Variants in PUS10 observed in about 807,000 individuals in gnomAD.
The protein encoded by PUS10 is pseudouridine synthase 10.
PUS10 carries 59 observed loss-of-function variants against 75.0 expected under a neutral mutation model. The ratio of observed to expected loss-of-function variants is 0.79; its 90% CI spans 0.64 to 0.98. The LOEUF is 0.98. Ranked by LOEUF, PUS10 falls within the 50% of genes least tolerant of loss-of-function variation. The probability of loss-of-function intolerance (pLI) is 0.00; values close to 1 mark genes in which losing one functional copy is unlikely to be tolerated. For missense variants in PUS10, 650 were observed against 614.4 expected (o/e 1.06, Z -0.61); for synonymous variants, 219 against 211.6 (o/e 1.03, Z -0.30).
intron 4 of PUS10, 58 bp from the exon 5 acceptor site, chr2:60,971,615 T>G: frequency 6.6e-7 from 1 of 1,512,172 alleles, no homozygotes; most frequent in Non-Finnish European, 9.2e-7. Flanking sequence ...TTCAGTGAAA[T>G]TAAGTCTCAA....
At chr2:61,004,546 A>G (rs1679073265) in intron 4 of PUS10, among the ~76,000 whole-genome samples, 1 of 148,710 alleles carries the variant, frequency 6.7e-6, no homozygotes, top group Non-Finnish European at 1.5e-5. Context: ...GGAGAACGGC[A>G]TGAACCTGGG....
At chr2:61,002,834 T>C (rs999021605) in intron 4 of PUS10, among the ~76,000 whole-genome samples, 1 of 152,254 alleles carries the variant, frequency 6.6e-6, no homozygotes, top group East Asian at 1.9e-4. Flanking sequence ...TTATAGACTT[T>C]GGAGACTCTA....
chr2:61,016,692 A>G (rs1198019326), intron 1 of PUS10, among the ~76,000 whole-genome samples: 1 of 152,146 alleles, frequency 6.6e-6, no homozygotes, highest in Non-Finnish European at 1.5e-5. Flanking sequence ...GGCTTACTGG[A>G]GGAGAGGAAG....
intron 15 of PUS10, among the ~76,000 whole-genome samples, chr2:60,949,375 T>C (rs995883970): frequency 4.6e-5 from 7 of 152,226 alleles, no homozygotes; most frequent in Non-Finnish European, 1.0e-4. Flanking sequence ...CCTTTACCTT[T>C]AGAGTTATTC....
chr2:60,959,782 G>A (rs1675903587), intron 11 of PUS10, among the ~76,000 whole-genome samples: 3 of 152,188 alleles, frequency 2.0e-5, no homozygotes, highest in Admixed American at 2.0e-4. Context: ...TGATGCCATA[G>A]GCACAGGAAG....
At chr2:60,944,973 A>G (rs772759518) in intron 17 of PUS10, 36 bp downstream of exon 17, 5 of 1,487,790 alleles carry the variant, frequency 3.4e-6, no homozygotes, top group Non-Finnish European at 2.8e-6. Flanking sequence ...GTTGAATTCA[A>G]TTTGCCAATG....
intron 11 of PUS10, among the ~76,000 whole-genome samples, chr2:60,959,287 A>C (rs763583396): frequency 5.3e-5 from 8 of 152,190 alleles, no homozygotes; most frequent in Non-Finnish European, 1.2e-4. Flanking sequence ...TATTCCCCCA[A>C]AGAGGCCAAG....
intron 16 of PUS10, among the ~76,000 whole-genome samples, chr2:60,946,842 TAA>T (rs1491484794): frequency 2.4e-5 from 2 of 83,080 alleles, no homozygotes; most frequent in African/African-American, 5.3e-5. Flanking sequence ...TGTGTGTGTG[TAA>T]TATATATATA....
Position 60,962,865 on chromosome 2 carries a change from A to G in PUS10, c.749T>C (p.Met250Thr), listed in dbSNP as rs1316530601. Residue 250 changes from methionine to threonine, a missense_variant, in exon 9 of 18, where the codon ATG becomes ACG. By Grantham distance (81) the Met-to-Thr change is moderately conservative. Transcript: ENST00000316752. Reference sequence around the variant, plus strand: ...TTCCTTTATCTTATTCAAGGCTTTCATAACTGCCATTCTAGTGAATACAGA... The same window carrying G: ...TTCCTTTATCTTATTCAAGGCTTTCGTAACTGCCATTCTAGTGAATACAGA... ...KQSVFTRMAV[M>T]KALNKIKEED... The G allele has an allele frequency of 6.4e-7, 1 of 1,570,964 alleles. No individual in the cohort carries two copies. The highest frequency in any genetic ancestry group is 8.6e-7 in the Non-Finnish European group (1 of 1,164,888).
rs899092492 is a variant in PUS10, at chr2:61,018,107, C to A, written c.-115G>T. ...CTGGGCGTCTCTCTGGGTCTCTGTGCTTGAAAGAAAGGGGGGCGGCTTCCT... is the reference window on the plus strand; with the variant it reads ...CTGGGCGTCTCTCTGGGTCTCTGTGATTGAAAGAAAGGGGGGCGGCTTCCT... On this transcript the variant is annotated 5_prime_UTR_variant, in exon 1 of 18. Coordinates refer to ENST00000316752, the MANE Select transcript of PUS10 (RefSeq NM_144709.4). 7.1e-6 allele frequency: 11 copies of A among 1,545,646 alleles called. No individual in the cohort carries two copies. In the African/African-American group the frequency reaches 8.2e-5, roughly 12 times the overall value.
intron 1 of PUS10, among the ~76,000 whole-genome samples, chr2:61,013,574 C>G (rs1679774254): frequency 6.6e-6 from 1 of 152,192 alleles, no homozygotes; most frequent in Non-Finnish European, 1.5e-5. Context: ...ACGTGTATGC[C>G]TTTTCTCCCA....
intron 16 of PUS10, among the ~76,000 whole-genome samples, chr2:60,947,813 A>T: frequency 7.0e-6 from 1 of 142,122 alleles, no homozygotes. Flanking sequence ...TGGGCGACAG[A>T]GCGAGACTCT....
At position 60,991,854 on chromosome 2, in the gene PUS10, G is replaced by A. The variant is rs553588282; in HGVS notation, c.468+14703C>T. Among the ~76,000 whole-genome samples, 6 of 152,202 alleles carry A rather than the reference G, an allele frequency of 3.9e-5. No homozygotes were observed. In the East Asian group the frequency reaches 1.2e-3, roughly 29 times the overall value. On this transcript the variant is annotated intron_variant, in intron 4 of 17. Coordinates refer to ENST00000316752, the MANE Select transcript of PUS10 (RefSeq NM_144709.4). ...AAAGAAATAAATATTACGAAAATTG[G>A]AGGGGAAAAGTCATTGTGCACAGAC... is the stretch of plus-strand genomic sequence containing the variant.
At chr2:60,952,411 T>A (rs540805328) in intron 15 of PUS10, among the ~76,000 whole-genome samples, 2 of 151,798 alleles carry the variant, frequency 1.3e-5, no homozygotes, top group East Asian at 3.9e-4. Flanking sequence ...GCAAGAAGTA[T>A]GCACATGAAC....
At chr2:60,961,200 G>C (rs904108335) in intron 10 of PUS10, among the ~76,000 whole-genome samples, 38 of 151,970 alleles carry the variant, frequency 2.5e-4, no homozygotes, top group Admixed American at 2.1e-3. Flanking sequence ...ATTTCTACTT[G>C]GCCATCTCTG....
chr2:60,976,825 C>A (rs1573447609), intron 4 of PUS10, among the ~76,000 whole-genome samples: 1 of 152,180 alleles, frequency 6.6e-6, no homozygotes, highest in East Asian at 1.9e-4. Context: ...CCTTTCAAAT[C>A]ACCAAGATAA....
chr2:60,963,123 A>G (rs1446541451), intron 8 of PUS10, among the ~76,000 whole-genome samples: 3 of 152,244 alleles, frequency 2.0e-5, no homozygotes, highest in East Asian at 1.9e-4. Flanking sequence ...GTCTTTGTCT[A>G]TAATAACAGG....
At chr2:60,997,997 T>C (rs1180471796) in intron 4 of PUS10, among the ~76,000 whole-genome samples, 1 of 151,878 alleles carries the variant, frequency 6.6e-6, no homozygotes, top group African/African-American at 2.4e-5. Flanking sequence ...AAGCAGAAAA[T>C]ACACATGCTA....
At chr2:60,989,063 G>A (rs765986403) in intron 4 of PUS10, among the ~76,000 whole-genome samples, 1 of 152,146 alleles carries the variant, frequency 6.6e-6, no homozygotes, top group African/African-American at 2.4e-5. Context: ...AAGCTAGAAA[G>A]CAGATTGAAC....
Sources: allele counts gnomAD v4.1 joint callset (sites outside exome capture counted in the v4.1 genomes callset), GRCh38; gene constraint gnomAD v4.1.1; transcripts MANE v1.5; gene names NCBI Gene and HGNC (gene_info 2026-07-23, HGNC 2026-07-21).